Variants in CNTNAP2 observed in about 807,000 individuals in gnomAD.
CNTNAP2 encodes the protein contactin associated protein 2.
CNTNAP2 carries 98 observed loss-of-function variants against 155.2 expected under a neutral mutation model. The observed-to-expected ratio is 0.63, with a 90% confidence interval of 0.54 to 0.75. The LOEUF is 0.75. Ranked by LOEUF, CNTNAP2 falls within the 30% of genes least tolerant of loss-of-function variation. CNTNAP2 has a pLI of 0.00. For missense variants in CNTNAP2, 1,727 were observed against 1,688.1 expected (o/e 1.02, Z -0.40); for synonymous variants, 651 against 631.2 (o/e 1.03, Z -0.47).
intron 1 of CNTNAP2, among the ~76,000 whole-genome samples, chr7:146,309,829 AAAGG>A (rs370487767): frequency 0.032 from 4,736 of 148,886 alleles, 205 homozygotes; most frequent in African/African-American, 0.1. Context: ...AGAAGAAAGG[AAAGG>A]AAGGAAGGAA....
At chr7:147,330,828 C>T (rs1424578896) in intron 9 of CNTNAP2, among the ~76,000 whole-genome samples, 1 of 152,122 alleles carries the variant, frequency 6.6e-6, no homozygotes, top group Non-Finnish European at 1.5e-5. Flanking sequence ...ATTTTCCCTA[C>T]TCTGATTATA....
intron 9 of CNTNAP2, among the ~76,000 whole-genome samples, chr7:147,310,135 A>C (rs2116792962): frequency 6.6e-6 from 1 of 152,266 alleles, no homozygotes; most frequent in South Asian, 2.1e-4. Flanking sequence ...TAGCTCCCAC[A>C]AGTAAAATTT....
chr7:148,132,781 G>A (rs1320457637), intron 16 of CNTNAP2, among the ~76,000 whole-genome samples: 1 of 152,164 alleles, frequency 6.6e-6, no homozygotes, highest in Non-Finnish European at 1.5e-5. Flanking sequence ...CATTTTGGTG[G>A]GTTAGTAAAG....
At chr7:147,827,419 A>G (rs1282937948) in intron 13 of CNTNAP2, among the ~76,000 whole-genome samples, 1 of 152,218 alleles carries the variant, frequency 6.6e-6, no homozygotes, top group African/African-American at 2.4e-5. Flanking sequence ...TTAGCATAGC[A>G]CATAAAATGT....
chr7:147,165,350 GT>G (rs556722242), intron 8 of CNTNAP2, among the ~76,000 whole-genome samples: 2,481 of 150,568 alleles, frequency 0.016, 27 homozygotes, highest in South Asian at 0.042. Flanking sequence ...GGGATTGTTG[GT>G]TTTTTTTTCT....
intron 10 of CNTNAP2, among the ~76,000 whole-genome samples, chr7:147,462,802 G>A (rs544806279): frequency 7.9e-5 from 12 of 152,158 alleles, no homozygotes; most frequent in South Asian, 4.1e-4. Flanking sequence ...TTTTTGAGAT[G>A]GAGTCTTGCT....
chr7:146,906,954 TA>T (rs1294664999), intron 3 of CNTNAP2, among the ~76,000 whole-genome samples: 2 of 147,068 alleles, frequency 1.4e-5, no homozygotes, highest in Non-Finnish European at 3.0e-5. Flanking sequence ...GAGAAGTGCT[TA>T]AAGGAGCTGA....
chr7:146,850,878 A>G (rs1286301218), intron 3 of CNTNAP2, among the ~76,000 whole-genome samples: 2 of 152,212 alleles, frequency 1.3e-5, no homozygotes, highest in African/African-American at 2.4e-5. Context: ...CCTTGCCACT[A>G]TGGCCCTGGT....
At position 148,354,178 on chromosome 7, in the gene CNTNAP2, ATTTTTTTT is replaced by A. The variant is rs57278575; in HGVS notation, c.3476-29451_3476-29444del. 4.7e-3 allele frequency among the ~76,000 whole-genome samples: 470 copies of A among 99,350 alleles called. 1 individual carries two copies. The highest frequency in any genetic ancestry group is 6.9e-3 in the African/African-American group (174 of 25,388). The allele number at this position is 99,350 out of a possible 152,430, so 65.2% of individuals were successfully genotyped here. ...GGTGCTGAGAAATACGAAACGATTA[ATTTTTTTT>A]TTTTTTTTTTTTTTTTTTTGTAAAC... On this transcript the variant is annotated intron_variant, in intron 21 of 23. Transcript: ENST00000361727.
Position 147,903,121 on chromosome 7 carries a change from A to C in CNTNAP2, c.2099-444A>C, listed in dbSNP as rs535753017. On this transcript the variant is annotated intron_variant, in intron 13 of 23. Transcript: ENST00000361727. ...TGTAGAAGTGTTCCCCTTTCACCAC[A>C]TTCACACCAACATATATTATTTTTT... 4.6e-5 allele frequency among the ~76,000 whole-genome samples: 7 copies of C among 152,278 alleles called. No individual in the cohort carries two copies. The East Asian group carries it at 1.3e-3, about 29-fold the overall frequency.
chr7:147,861,438 A>G (rs1799130910), intron 13 of CNTNAP2, among the ~76,000 whole-genome samples: 1 of 152,344 alleles, frequency 6.6e-6, no homozygotes, highest in East Asian at 1.9e-4. Context: ...ATAAATCTCC[A>G]TGGCTGTTCA....
intron 13 of CNTNAP2, among the ~76,000 whole-genome samples, chr7:147,880,351 A>T (rs1298824181): frequency 6.6e-6 from 1 of 152,200 alleles, no homozygotes; most frequent in African/African-American, 2.4e-5. Context: ...CCAAAAAGTG[A>T]CCACATGTAG....
chr7:146,299,083 C>T (rs1312247587), intron 1 of CNTNAP2, among the ~76,000 whole-genome samples: 1 of 151,922 alleles, frequency 6.6e-6, no homozygotes, highest in Non-Finnish European at 1.5e-5. Context: ...ACCAGCCTGG[C>T]CAAGATGGTG....
chr7:146,246,344 A>G (rs1455775772), intron 1 of CNTNAP2, among the ~76,000 whole-genome samples: 3 of 150,572 alleles, frequency 2.0e-5, no homozygotes, highest in African/African-American at 7.4e-5. Context: ...CAATTTAGTT[A>G]AAGTGTCTCG....
intron 9 of CNTNAP2, among the ~76,000 whole-genome samples, chr7:147,375,503 C>T (rs571230549): frequency 6.6e-6 from 1 of 152,152 alleles, no homozygotes; most frequent in East Asian, 1.9e-4. Flanking sequence ...CTCTTGCAAT[C>T]TTTTAGGGAG....
intron 21 of CNTNAP2, among the ~76,000 whole-genome samples, chr7:148,364,037 G>A (rs1284607401): frequency 6.6e-6 from 1 of 152,246 alleles, no homozygotes. Context: ...GGCCTTGGCT[G>A]CCTTCCCATG....
chr7:147,792,293 G>A (rs1396251266), intron 13 of CNTNAP2, among the ~76,000 whole-genome samples: 4 of 151,976 alleles, frequency 2.6e-5, no homozygotes, highest in Non-Finnish European at 2.9e-5. Flanking sequence ...TTTTAGAATC[G>A]TTTCAGTAAC....
rs112458589 is a variant in CNTNAP2 at position 147,047,233 on chromosome 7, C to T, written c.550+3179C>T. Among the ~76,000 whole-genome samples, 8 of 146,938 alleles carry T rather than the reference C, an allele frequency of 5.4e-5. No individual in the cohort carries two copies. In the South Asian group the frequency reaches 8.7e-4, roughly 16 times the overall value. On this transcript the variant is annotated intron_variant, in intron 4 of 23. Transcript: ENST00000361727. Reference sequence around the variant, plus strand: ...ATGCCATTGTCCTGCCTCAGCCTCCCGAGTAGCTGGGACTACAGGTGACCA... The same window carrying T: ...ATGCCATTGTCCTGCCTCAGCCTCCTGAGTAGCTGGGACTACAGGTGACCA...
chr7:146,962,121 A>G (rs1363111396), intron 3 of CNTNAP2, among the ~76,000 whole-genome samples: 1 of 152,222 alleles, frequency 6.6e-6, no homozygotes, highest in Non-Finnish European at 1.5e-5. Flanking sequence ...GTTTTCTAAC[A>G]TAAACTTGAT....
Sources: gnomAD v4.1 joint callset for allele counts (sites outside exome capture counted in the v4.1 genomes callset) on GRCh38, gnomAD v4.1.1 for gene constraint, MANE v1.5 for transcripts, NCBI Gene and HGNC (gene_info 2026-07-23, HGNC 2026-07-21) for gene names.